NXPE2: variants seen among roughly 807,000 people sequenced by gnomAD.
NXPE2 encodes NXPE family member 2.
In NXPE2, 34 loss-of-function variants were observed where a neutral mutation model predicts 34.4. That is an observed-to-expected ratio of 0.99 (90% CI 0.75 to 1.31). The LOEUF (loss-of-function observed/expected upper bound fraction) is 1.31. NXPE2 is among the 40% of genes most tolerant of loss of function. The pLI, the probability that NXPE2 is intolerant of heterozygous loss-of-function variation, is 0.00. For synonymous variants in NXPE2, 235 were observed against 231.3 expected, an observed-to-expected ratio of 1.02 and a Z score of -0.15; for missense variants, 649 against 672.5, an observed-to-expected ratio of 0.97 and a Z score of 0.39.
the NXPE2 span, among the ~76,000 whole-genome samples, chr11:114,488,072 A>G: frequency 6.6e-6 from 1 of 152,020 alleles, no homozygotes; most frequent in Non-Finnish European, 1.5e-5. Flanking sequence ...TAGTATGAGT[A>G]AGATTGCTAT....
the NXPE2 span, among the ~76,000 whole-genome samples, chr11:114,809,745 C>T: frequency 1.4e-4 from 18 of 128,282 alleles, no homozygotes; most frequent in South Asian, 1.5e-3. Context: ...GAATCAATAT[C>T]ATGAAAATGG....
At chr11:114,481,259 T>G in the NXPE2 span, among the ~76,000 whole-genome samples, 1 of 152,180 alleles carries the variant, frequency 6.6e-6, no homozygotes, top group African/African-American at 2.4e-5. Context: ...TGATTGGTCT[T>G]TTGTGTCTTG....
chr11:114,801,481 C>T, the NXPE2 span, among the ~76,000 whole-genome samples: 15 of 152,254 alleles, frequency 9.9e-5, no homozygotes, highest in East Asian at 2.9e-3. Flanking sequence ...GATAAGAAGC[C>T]TGGATTTTAT....
At chr11:114,658,623 A>G in the NXPE2 span, among the ~76,000 whole-genome samples, 1 of 152,208 alleles carries the variant, frequency 6.6e-6, no homozygotes, top group African/African-American at 2.4e-5. Flanking sequence ...CAAGACACAT[A>G]TGAAGATCCC....
At chr11:114,529,703 G>A in the NXPE2 span, 1 of 163,164 alleles carries the variant, frequency 6.1e-6, no homozygotes, top group Admixed American at 5.6e-5. Context: ...AGATCACTCA[G>A]TGTAGAGAAT....
At chr11:114,767,199 T>C in the NXPE2 span, among the ~76,000 whole-genome samples, 1 of 152,172 alleles carries the variant, frequency 6.6e-6, no homozygotes, top group Non-Finnish European at 1.5e-5. Flanking sequence ...TTTGCCTTTA[T>C]ACTTTATGAA....
chr11:114,797,079 A>T, the NXPE2 span, among the ~76,000 whole-genome samples: 1 of 152,224 alleles, frequency 6.6e-6, no homozygotes, highest in African/African-American at 2.4e-5. Flanking sequence ...GCAATGGGTC[A>T]TGGAAAGGTT....
chr11:114,619,318 GATA>G, the NXPE2 span, among the ~76,000 whole-genome samples: 2 of 152,154 alleles, frequency 1.3e-5, no homozygotes, highest in Admixed American at 1.3e-4. Context: ...TTCCCCGCTG[GATA>G]ATAAGTGTTG....
the NXPE2 span, among the ~76,000 whole-genome samples, chr11:114,612,409 C>T: frequency 2.6e-5 from 4 of 151,936 alleles, no homozygotes; most frequent in South Asian, 8.3e-4. Context: ...CCACTGTTAC[C>T]CGGTGGATAA....
chr11:114,684,328 G>C (rs1951004073), intron 2 of NXPE2, among the ~76,000 whole-genome samples: 1 of 152,010 alleles, frequency 6.6e-6, no homozygotes. Flanking sequence ...TCGGGAGTCT[G>C]AGGCAGGAGA....
At chr11:114,717,426 A>G in the NXPE2 span, among the ~76,000 whole-genome samples, 2,605 of 152,312 alleles carry the variant, frequency 0.017, 77 homozygotes, top group African/African-American at 0.057. Context: ...AGATCTTGCT[A>G]GATGATACAA....
chr11:114,699,969 T>C (rs758854942), intron 3 of NXPE2, among the ~76,000 whole-genome samples: 1 of 152,074 alleles, frequency 6.6e-6, no homozygotes, highest in African/African-American at 2.4e-5. Context: ...AATTTTTGTA[T>C]CTTTAGTAGA....
At chr11:114,527,984 A>G in the NXPE2 span, 5 of 1,011,692 alleles carry the variant, frequency 4.9e-6, no homozygotes, top group East Asian at 1.0e-4. Flanking sequence ...GAGTGAAGGA[A>G]AATTTTTAGT....
At chr11:114,535,911 T>G in the NXPE2 span, among the ~76,000 whole-genome samples, 2 of 151,442 alleles carry the variant, frequency 1.3e-5, no homozygotes, top group African/African-American at 2.4e-5. Context: ...GGAATTGAAC[T>G]CAGCTCTGCA....
chr11:114,751,956 A>G, the NXPE2 span, among the ~76,000 whole-genome samples: 1 of 152,368 alleles, frequency 6.6e-6, no homozygotes, highest in Non-Finnish European at 1.5e-5. Context: ...GCCTGGAGCC[A>G]AGAAATATGG....
rs540287360 is a variant in NXPE2, at chr11:114,703,964, G to A, written c.867-27G>A. The A allele has an allele frequency of 6.6e-6, 10 of 1,513,462 alleles. No individual in the cohort carries two copies. In the African/African-American group the frequency reaches 1.2e-4, roughly 19 times the overall value. 93.8% of individuals were successfully genotyped at this position (1,513,462 alleles called of 1,614,324 possible). On this transcript the variant is annotated intron_variant, in intron 3 of 5. Coordinates refer to ENST00000389586, the MANE Select transcript of NXPE2 (RefSeq NM_182495.6). Reference sequence around the variant, plus strand: ...ACTTTATTATCTGGGCAGATATTAAGCTAATTTATTTTCCCATTTCTTGCA... The same window carrying A: ...ACTTTATTATCTGGGCAGATATTAAACTAATTTATTTTCCCATTTCTTGCA...
chr11:114,804,698 G>C, the NXPE2 span, among the ~76,000 whole-genome samples: 1 of 152,116 alleles, frequency 6.6e-6, no homozygotes, highest in Non-Finnish European at 1.5e-5. Flanking sequence ...CTTAGATTGG[G>C]GTCAGCAAGA....
At chr11:114,602,891 T>C in the NXPE2 span, among the ~76,000 whole-genome samples, 1 of 148,414 alleles carries the variant, frequency 6.7e-6, no homozygotes, top group South Asian at 2.1e-4. Flanking sequence ...CATAATTATC[T>C]AATATATAAT....
At chr11:114,787,406 T>C in the NXPE2 span, among the ~76,000 whole-genome samples, 7 of 152,260 alleles carry the variant, frequency 4.6e-5, no homozygotes, top group East Asian at 1.2e-3. Context: ...CACGTTTCAG[T>C]AGGAGATTGC....
Sources: allele counts gnomAD v4.1 joint callset (sites outside exome capture counted in the v4.1 genomes callset), GRCh38; gene constraint gnomAD v4.1.1; transcripts MANE v1.5; gene names NCBI Gene and HGNC (gene_info 2026-07-23, HGNC 2026-07-21).